The following ZNF652 variants were observed in gnomAD, a reference collection of about 807,000 sequenced individuals.
The protein encoded by ZNF652 is zinc finger protein 652.
In ZNF652, 16 loss-of-function variants were observed where a neutral mutation model predicts 45.2. The observed-to-expected ratio is 0.35, with a 90% CI of 0.24 to 0.54. The LOEUF is 0.54. Among genes scored for constraint, ZNF652 ranks in the 20% least tolerant of loss-of-function variants. The pLI, the probability that ZNF652 is intolerant of heterozygous loss-of-function variation, is 0.91. For missense variants in ZNF652, 614 were observed against 765.6 expected (o/e 0.80, Z 2.34); for synonymous variants, 250 against 260.6 (o/e 0.96, Z 0.39).
chr17:49,310,929 A>G (rs1431898061), intron 5 of ZNF652, among the ~76,000 whole-genome samples: 1 of 152,084 alleles, frequency 6.6e-6, no homozygotes, highest in Non-Finnish European at 1.5e-5. Flanking sequence ...AAAAACAGAG[A>G]GAGAGGGGTA....
chr17:49,320,979 T>G (rs2069883552), intron 1 of ZNF652, among the ~76,000 whole-genome samples: 1 of 143,466 alleles, frequency 7.0e-6, no homozygotes, highest in Admixed American at 6.7e-5. Flanking sequence ...CCTCCCAAAG[T>G]GCTGGGATTA....
At chr17:49,348,695 G>GGAAGTTAAGTTTT (rs1261461499) in intron 1 of ZNF652, among the ~76,000 whole-genome samples, 1 of 152,078 alleles carries the variant, frequency 6.6e-6, no homozygotes, top group African/African-American at 2.4e-5. Context: ...AATACTTAAT[G>GGAAGTTAAGTTTT]ATGCTCAGGA....
chr17:49,356,017 GT>G (rs1357494689), intron 1 of ZNF652, among the ~76,000 whole-genome samples: 4 of 152,044 alleles, frequency 2.6e-5, no homozygotes, highest in African/African-American at 4.8e-5. Flanking sequence ...TTGCTCTTAG[GT>G]TGACTTGGGA....
chr17:49,324,734 CTTTT>C (rs1185007907), intron 1 of ZNF652, among the ~76,000 whole-genome samples: 66 of 96,236 alleles, frequency 6.9e-4, no homozygotes, highest in African/African-American at 2.3e-3. Flanking sequence ...TGGGGTAGCA[CTTTT>C]TTTTTTTTTT....
chr17:49,304,722 A>G (rs2069603289), intron 5 of ZNF652, among the ~76,000 whole-genome samples: 1 of 152,208 alleles, frequency 6.6e-6, no homozygotes, highest in Non-Finnish European at 1.5e-5. Context: ...AAGAAAGAAC[A>G]GTATAAATGA....
intron 1 of ZNF652, among the ~76,000 whole-genome samples, chr17:49,357,694 C>A (rs2070352073): frequency 6.6e-6 from 1 of 152,186 alleles, no homozygotes; most frequent in South Asian, 2.1e-4. Context: ...GCACGTGATT[C>A]AACTCTGGAC....
intron 1 of ZNF652, among the ~76,000 whole-genome samples, chr17:49,339,197 ATTTTTT>A (rs34574898): frequency 1.7e-5 from 2 of 119,538 alleles, no homozygotes; most frequent in African/African-American, 6.5e-5. Flanking sequence ...GAGTTAGGAA[ATTTTTT>A]TTTTTTTTTT....
chr17:49,332,514 C>T (rs1302348310), intron 1 of ZNF652, among the ~76,000 whole-genome samples: 1 of 152,150 alleles, frequency 6.6e-6, no homozygotes, highest in African/African-American at 2.4e-5. Flanking sequence ...CCAAAAGGAA[C>T]ACACACAATT....
Position 49,316,862 on chromosome 17 carries a change from G to A in ZNF652, c.864C>T (p.Ser288=), listed in dbSNP as rs763239010. ...GKKFVLESEL[S]LHQQTDCEKN... ...TTTCACAGTCTGTTTGCTGGTGAAGGGACAGCTCACTTTCCAGGACAAACT... is the reference window on the plus strand; with the variant it reads ...TTTCACAGTCTGTTTGCTGGTGAAGAGACAGCTCACTTTCCAGGACAAACT... The change falls in exon 2 of 6, where the codon TCC becomes TCT. Residue 288 remains serine, a synonymous_variant. Transcript: ENST00000430262. 5.0e-6 allele frequency: 8 copies of A among 1,613,870 alleles called. No individual in the cohort carries two copies. The Middle Eastern group carries it at 5.0e-4, about 100-fold the overall frequency.
chr17:49,354,177 T>C (rs1247636271), intron 1 of ZNF652, among the ~76,000 whole-genome samples: 1 of 152,140 alleles, frequency 6.6e-6, no homozygotes, highest in Non-Finnish European at 1.5e-5. Flanking sequence ...TTTTCTCACT[T>C]AGCAATAGTT....
chr17:49,348,965 AAG>A (rs2053059505), intron 1 of ZNF652, among the ~76,000 whole-genome samples: 1 of 152,196 alleles, frequency 6.6e-6, no homozygotes, highest in Non-Finnish European at 1.5e-5. Context: ...CTGAATGAAA[AAG>A]AAAACAAAAC....
intron 1 of ZNF652, among the ~76,000 whole-genome samples, chr17:49,351,994 A>T (rs1431054794): frequency 6.6e-6 from 1 of 152,192 alleles, no homozygotes; most frequent in Non-Finnish European, 1.5e-5. Flanking sequence ...GGACTGTCTC[A>T]AAAACAAAAA....
intron 2 of ZNF652, among the ~76,000 whole-genome samples, chr17:49,315,018 G>A (rs1461450408): frequency 1.3e-5 from 2 of 150,698 alleles, no homozygotes; most frequent in Admixed American, 1.3e-4. Context: ...CACTGCACCC[G>A]GCCTTAGGGG....
At chr17:49,345,827 C>T (rs1208661335) in intron 1 of ZNF652, among the ~76,000 whole-genome samples, 4 of 139,322 alleles carry the variant, frequency 2.9e-5, no homozygotes, top group African/African-American at 8.1e-5. Context: ...GGCGAAAGAG[C>T]GAGACTCCAT....
At chr17:49,342,031 C>T (rs556137528) in intron 1 of ZNF652, among the ~76,000 whole-genome samples, 1 of 151,660 alleles carries the variant, frequency 6.6e-6, no homozygotes, top group African/African-American at 2.4e-5. Context: ...ACTAAAAGTA[C>T]AAAAATTAGC....
intron 5 of ZNF652, among the ~76,000 whole-genome samples, chr17:49,308,056 A>T (rs1048205100): frequency 5.9e-5 from 9 of 152,172 alleles, no homozygotes; most frequent in African/African-American, 2.2e-4. Flanking sequence ...AAGAAACTGA[A>T]GAATTTTTTT....
chr17:49,320,477 C>A (rs192656305), intron 1 of ZNF652, among the ~76,000 whole-genome samples: 9 of 152,322 alleles, frequency 5.9e-5, no homozygotes, highest in Admixed American at 5.9e-4. Context: ...GACTCCAGGC[C>A]TGCCTGACTC....
At chr17:49,331,199 G>C (rs2070020843) in intron 1 of ZNF652, among the ~76,000 whole-genome samples, 1 of 143,876 alleles carries the variant, frequency 7.0e-6, no homozygotes, top group South Asian at 2.2e-4. Context: ...TCAGCTCACT[G>C]CAAGCTCTGC....
At chr17:49,302,139 A>C (rs1156582426) in intron 5 of ZNF652, among the ~76,000 whole-genome samples, 3 of 151,888 alleles carry the variant, frequency 2.0e-5, no homozygotes, top group Non-Finnish European at 2.9e-5. Context: ...CTGCAGTCCC[A>C]GCTACTGAAC....
Sources: allele counts gnomAD v4.1 joint callset (sites outside exome capture counted in the v4.1 genomes callset), GRCh38; gene constraint gnomAD v4.1.1; transcripts MANE v1.5; gene names NCBI Gene and HGNC (gene_info 2026-07-23, HGNC 2026-07-21).